DACH2: variants seen among roughly 807,000 people sequenced by gnomAD.
DACH2 encodes the protein dachshund homolog 2.
A neutral mutation model predicts 35.8 loss-of-function variants in DACH2; 17 were observed. The observed-to-expected ratio is 0.48, with a 90% CI of 0.33 to 0.71. The LOEUF is 0.71. Ranked by LOEUF, DACH2 falls within the 30% of genes least tolerant of loss-of-function variation. The pLI, the probability that DACH2 is intolerant of heterozygous loss-of-function variation, is 0.02. For synonymous variants in DACH2, 195 were observed against 177.3 expected (o/e 1.10, Z -0.79); for missense variants, 469 against 472.7 (o/e 0.99, Z 0.07).
chrX:86,675,363 A>G (rs2040813920), intron 4 of DACH2, among the ~76,000 whole-genome samples: 1 of 111,715 alleles, frequency 9.0e-6, no homozygotes, highest in African/African-American at 3.3e-5. Context: ...CTATGATTCT[A>G]TCCATTTATT....
chrX:86,746,386 T>C (rs1383954512), intron 7 of DACH2, among the ~76,000 whole-genome samples: 1 of 111,542 alleles, frequency 9.0e-6, no homozygotes, highest in Non-Finnish European at 1.9e-5. Context: ...TATGAAGGTT[T>C]TAATTTCTCC....
intron 4 of DACH2, among the ~76,000 whole-genome samples, chrX:86,654,094 G>A (rs2040510713): frequency 9.5e-6 from 1 of 104,907 alleles, no homozygotes; most frequent in African/African-American, 3.5e-5. Context: ...GCACGGCAGT[G>A]GTCTCTAGCC....
At position 86,269,547 on chromosome X, in the gene DACH2, G is replaced by GT. The variant is rs60433700; in HGVS notation, c.489-107276dup. ...ACATATTTTAGTGACTCAGACAGAA[G>GT]TATAACAATTTTTAAAAGTGCAAGA... On this transcript the variant is annotated intron_variant, in intron 1 of 11. Coordinates refer to ENST00000373125, the MANE Select transcript of DACH2 (RefSeq NM_053281.3). Among the ~76,000 whole-genome samples the GT allele has an allele frequency of 9.1e-3, 1,012 of 111,678 alleles. 10 individuals carry two copies. The highest frequency in any genetic ancestry group is 0.032 in the African/African-American group (981 of 30,769).
intron 1 of DACH2, among the ~76,000 whole-genome samples, chrX:86,309,471 C>G (rs1442277200): frequency 2.0e-5 from 2 of 100,404 alleles, no homozygotes; most frequent in East Asian, 6.2e-4. Context: ...TATCTCTACT[C>G]TCCGTCTTTG....
chrX:86,728,371 A>C (rs765062638), intron 6 of DACH2, among the ~76,000 whole-genome samples: 1 of 112,664 alleles, frequency 8.9e-6, no homozygotes, highest in East Asian at 2.8e-4. Flanking sequence ...ATATTTAAAC[A>C]GGAAGCAGAG....
At chrX:86,302,850 C>T (rs1176649555) in intron 1 of DACH2, among the ~76,000 whole-genome samples, 3 of 109,636 alleles carry the variant, frequency 2.7e-5, no homozygotes, top group African/African-American at 9.9e-5. Flanking sequence ...TATGGCTGTG[C>T]AGTGTTTTGC....
intron 3 of DACH2, among the ~76,000 whole-genome samples, chrX:86,552,485 T>G (rs893070493): frequency 8.9e-6 from 1 of 112,062 alleles, no homozygotes; most frequent in Non-Finnish European, 1.9e-5. Flanking sequence ...GCAGCACAAC[T>G]AATGAGGGAG....
chrX:86,548,944 A>G (rs755074625), intron 3 of DACH2, among the ~76,000 whole-genome samples: 1 of 112,228 alleles, frequency 8.9e-6, no homozygotes, highest in Non-Finnish European at 1.9e-5. Flanking sequence ...TTATATTTCC[A>G]TGACAGGGAG....
intron 3 of DACH2, among the ~76,000 whole-genome samples, chrX:86,522,492 C>T (rs1053344077): frequency 1.8e-5 from 2 of 111,428 alleles, no homozygotes; most frequent in African/African-American, 6.5e-5. Context: ...AGATTTAGAG[C>T]TATATATGCA....
At chrX:86,283,871 T>TACACACACACAC (rs111448832) in intron 1 of DACH2, among the ~76,000 whole-genome samples, 190 of 102,169 alleles carry the variant, frequency 1.9e-3, no homozygotes, top group African/African-American at 6.1e-3. Context: ...TTAAAGTATA[T>TACACACACACAC]ACACACACAC....
intron 3 of DACH2, among the ~76,000 whole-genome samples, chrX:86,534,151 T>C (rs780416306): frequency 6.3e-5 from 7 of 111,994 alleles, no homozygotes; most frequent in South Asian, 7.3e-4. Flanking sequence ...TTTGCAGTAT[T>C]CCATGACGAA....
intron 1 of DACH2, among the ~76,000 whole-genome samples, chrX:86,226,048 C>T (rs1298756200): frequency 9.0e-6 from 1 of 111,298 alleles, no homozygotes; most frequent in Admixed American, 9.6e-5. Flanking sequence ...TGAGAAACAT[C>T]ATGTTAGAAG....
chrX:86,744,121 T>G (rs1211617857), intron 7 of DACH2, among the ~76,000 whole-genome samples: 1 of 111,428 alleles, frequency 9.0e-6, no homozygotes, highest in Admixed American at 9.6e-5. Flanking sequence ...TTACTACAGA[T>G]GTACAGTATC....
At chrX:86,657,618 C>G (rs1659829214) in intron 4 of DACH2, among the ~76,000 whole-genome samples, 1 of 110,763 alleles carries the variant, frequency 9.0e-6, no homozygotes, top group South Asian at 3.8e-4. Context: ...GTCATATGAA[C>G]ATTTTACTTG....
In DACH2 at chrX:86,309,180, C is replaced by T. The variant is rs147923927; in HGVS notation, c.489-67644C>T. 6.1e-4 allele frequency among the ~76,000 whole-genome samples: 69 copies of T among 112,201 alleles called. No individual in the cohort carries two copies. In the East Asian group the frequency reaches 0.019, roughly 30 times the overall value. Reference sequence around the variant, plus strand: ...ACAGAGGTGGTGATTCCCACTACATCCCTGTTAAATTCTCCCATTTGGCCT... The same window carrying T: ...ACAGAGGTGGTGATTCCCACTACATTCCTGTTAAATTCTCCCATTTGGCCT... On this transcript the variant is annotated intron_variant, in intron 1 of 11. Transcript: ENST00000373125.
At chrX:86,410,097 C>T (rs1476669461) in intron 2 of DACH2, among the ~76,000 whole-genome samples, 1 of 112,235 alleles carries the variant, frequency 8.9e-6, no homozygotes, top group Admixed American at 9.5e-5. Context: ...TTGTCAGATG[C>T]ATCACTTTGT....
chrX:86,160,914 C>G (rs1484532913), intron 1 of DACH2: 2 of 674,401 alleles, frequency 3.0e-6, no homozygotes, highest in Non-Finnish European at 4.8e-6. Context: ...GAGAGGCAGG[C>G]GCAAGGGCTT....
chrX:86,308,752 A>G (rs1333501048), intron 1 of DACH2, among the ~76,000 whole-genome samples: 2 of 111,770 alleles, frequency 1.8e-5, no homozygotes, highest in East Asian at 2.8e-4. Flanking sequence ...AAGGGAAATG[A>G]TCAGACGTTT....
intron 1 of DACH2, among the ~76,000 whole-genome samples, chrX:86,216,257 G>A (rs1053310495): frequency 9.0e-6 from 1 of 111,477 alleles, no homozygotes; most frequent in Admixed American, 9.5e-5. Flanking sequence ...TGTGCACAAC[G>A]TGCAGGTTTG....
Sources: allele counts gnomAD v4.1 joint callset (sites outside exome capture counted in the v4.1 genomes callset), GRCh38; gene constraint gnomAD v4.1.1; transcripts MANE v1.5; gene names NCBI Gene and HGNC (gene_info 2026-07-23, HGNC 2026-07-21).